Variants in GPR39 observed in about 807,000 individuals in gnomAD.
GPR39 encodes the protein G protein-coupled receptor 39, also known as zinc sensing receptor.
A neutral mutation model predicts 18.4 loss-of-function variants in GPR39; 23 were observed. The ratio of observed to expected loss-of-function variants is 1.25; its 90% CI spans 0.90 to 1.77. The LOEUF is 1.77. Among genes scored for constraint, GPR39 ranks in the 40% most tolerant of loss-of-function variants. GPR39 has a pLI of 0.00. For missense variants in GPR39, 647 were observed against 602.4 expected (o/e 1.07, Z -0.78); for synonymous variants, 280 against 257.9 (o/e 1.09, Z -0.82).
rs1023635547 is a variant in GPR39, at chr2:132,428,929, T to TG, written c.856+11036dup. Among the ~76,000 whole-genome samples the TG allele has an allele frequency of 3.3e-5, 5 of 152,174 alleles. No homozygotes were observed. The East Asian group carries it at 9.6e-4, about 29-fold the overall frequency. Reference sequence around the variant, plus strand: ...GTGAAAATGTTAATCTTAGTAACATTGGGGGTCGGGGTTTCCCCTTTCTCA... The same window carrying TG: ...GTGAAAATGTTAATCTTAGTAACATTGGGGGGTCGGGGTTTCCCCTTTCTCA... On this transcript the variant is annotated intron_variant, in intron 1 of 1. Transcript: ENST00000329321.
chr2:132,595,218 T>G (rs879830323), intron 1 of GPR39, among the ~76,000 whole-genome samples: 1 of 152,154 alleles, frequency 6.6e-6, no homozygotes, highest in African/African-American at 2.4e-5. Flanking sequence ...CAGGCTGGTC[T>G]TGAACTCCTG....
intron 1 of GPR39, among the ~76,000 whole-genome samples, chr2:132,583,598 T>TTAAGAATG (rs1431544281): frequency 6.6e-6 from 1 of 151,852 alleles, no homozygotes; most frequent in East Asian, 1.9e-4. Flanking sequence ...CAAAACTTAG[T>TTAAGAATG]GGCTAATTAA....
intron 1 of GPR39, among the ~76,000 whole-genome samples, chr2:132,593,457 T>C (rs978085820): frequency 2.6e-5 from 4 of 152,154 alleles, no homozygotes; most frequent in African/African-American, 9.7e-5. Flanking sequence ...TCAGACATGG[T>C]CTGAGAGGCT....
chr2:132,593,998 G>A (rs1176003042), intron 1 of GPR39, among the ~76,000 whole-genome samples: 1 of 152,128 alleles, frequency 6.6e-6, no homozygotes, highest in Non-Finnish European at 1.5e-5. Flanking sequence ...TTGACTGGAG[G>A]TCCAAGTGTT....
Position 132,417,909 on chromosome 2 carries a change from A to T in GPR39, c.856+11A>T. On this transcript the variant is annotated intron_variant, in intron 1 of 1. Transcript: ENST00000329321. ...CCATCATCTTCCTGAGTGAGTCCTAAGTCGGGGGCAACACGTGAGCAGCTT... is the reference window on the plus strand; with the variant it reads ...CCATCATCTTCCTGAGTGAGTCCTATGTCGGGGGCAACACGTGAGCAGCTT... 1 of 1,563,164 alleles carries T rather than the reference A, an allele frequency of 6.4e-7. No individual in the cohort carries two copies. Among genetic ancestry groups the T allele is most frequent in the Non-Finnish European group, 8.6e-7 (1 of 1,156,830 alleles).
At chr2:132,596,761 T>C (rs1680957081) in intron 1 of GPR39, among the ~76,000 whole-genome samples, 1 of 152,322 alleles carries the variant, frequency 6.6e-6, no homozygotes, top group East Asian at 1.9e-4. Flanking sequence ...TTTAAAAACA[T>C]CCCAATGACC....
intron 1 of GPR39, among the ~76,000 whole-genome samples, chr2:132,472,527 C>T (rs1047061732): frequency 4.6e-5 from 7 of 152,140 alleles, no homozygotes; most frequent in African/African-American, 1.7e-4. Context: ...TCAATGCCAA[C>T]ATTTCCTGCA....
intron 1 of GPR39, among the ~76,000 whole-genome samples, chr2:132,513,300 T>TA (rs11439420): frequency 0.94 from 142,776 of 152,060 alleles, 67,657 homozygotes; most frequent in Non-Finnish European, 1. Flanking sequence ...CCGTCTCTAC[T>TA]AAAATACAAA....
intron 1 of GPR39, among the ~76,000 whole-genome samples, chr2:132,491,953 C>T (rs1279715156): frequency 6.6e-6 from 1 of 151,584 alleles, no homozygotes; most frequent in East Asian, 1.9e-4. Flanking sequence ...GTACCTAGCA[C>T]ATAGTAAGTG....
At chr2:132,438,573 CT>C (rs35614907) in intron 1 of GPR39, among the ~76,000 whole-genome samples, 1,052 of 97,742 alleles carry the variant, frequency 0.011, 1 homozygote, top group Middle Eastern at 0.017. Context: ...TGTCAGCAAG[CT>C]TTTTTTTTTT....
At chr2:132,625,965 T>C (rs1681535942) in intron 1 of GPR39, among the ~76,000 whole-genome samples, 1 of 151,578 alleles carries the variant, frequency 6.6e-6, no homozygotes, top group African/African-American at 2.4e-5. Context: ...CTGGGCGTGG[T>C]GGTGGGTGCC....
At chr2:132,477,269 G>T (rs1381698600) in intron 1 of GPR39, among the ~76,000 whole-genome samples, 1 of 152,160 alleles carries the variant, frequency 6.6e-6, no homozygotes, top group East Asian at 1.9e-4. Flanking sequence ...GACTTTGAAG[G>T]ACGAGTAGAA....
chr2:132,491,052 G>T (rs369195221), intron 1 of GPR39, among the ~76,000 whole-genome samples: 3 of 152,292 alleles, frequency 2.0e-5, no homozygotes, highest in African/African-American at 7.2e-5. Context: ...ACCAAGCTGA[G>T]CCCTAAATTA....
intron 1 of GPR39, among the ~76,000 whole-genome samples, chr2:132,439,165 T>A (rs1345028135): frequency 6.6e-6 from 1 of 152,252 alleles, no homozygotes; most frequent in Non-Finnish European, 1.5e-5. Context: ...ATGTGAAATT[T>A]GATTTAAAGC....
In GPR39 at chr2:132,645,374, A is replaced by C. The variant is rs373819702; in HGVS notation, c.1130A>C (p.His377Pro). The change falls in exon 2 of 2, where the codon CAT becomes CCT. Residue 377 changes from histidine (H) to proline (P), a missense_variant. This residue lies in a region of GPR39 where 581 missense variants were observed against 506.8 expected (regional missense o/e 1.15). Coordinates refer to ENST00000329321, the MANE Select transcript of GPR39 (RefSeq NM_001508.3). ...HANHEKRLRV[H>P]AHSTTDSARF... ...AACCACGAGAAGCGCCTGCGCGTAC[A>C]TGCGCACTCCACCACCGACAGCGCC... 3.7e-6 allele frequency: 6 copies of C among 1,613,774 alleles called. No individual in the cohort carries two copies. Among genetic ancestry groups the C allele is most frequent in the East Asian group, 2.2e-5 (1 of 44,886 alleles).
intron 1 of GPR39, among the ~76,000 whole-genome samples, chr2:132,441,255 G>A (rs12623262): frequency 0.027 from 4,128 of 152,270 alleles, 142 homozygotes; most frequent in African/African-American, 0.084. Context: ...AGAGCCCTGG[G>A]AGGGATCATG....
At chr2:132,565,970 C>T (rs1405352432) in intron 1 of GPR39, among the ~76,000 whole-genome samples, 99 of 108,460 alleles carry the variant, frequency 9.1e-4, no homozygotes, top group African/African-American at 1.8e-3. Flanking sequence ...CCTGAGGAAT[C>T]GCCACACTGA....
At chr2:132,619,426 G>C (rs1446845069) in intron 1 of GPR39, among the ~76,000 whole-genome samples, 1 of 152,150 alleles carries the variant, frequency 6.6e-6, no homozygotes, top group Admixed American at 6.5e-5. Context: ...CACCCCTTGA[G>C]CCTTCAGGGG....
chr2:132,564,555 C>A (rs1573669948), intron 1 of GPR39, among the ~76,000 whole-genome samples: 1 of 152,074 alleles, frequency 6.6e-6, no homozygotes. Flanking sequence ...GTTTTCTCAC[C>A]CCTTCCTCTG....
Sources: allele counts gnomAD v4.1 joint callset (sites outside exome capture counted in the v4.1 genomes callset), GRCh38; gene constraint gnomAD v4.1.1; regional missense constraint gnomAD v4.1.1; transcripts MANE v1.5; gene names NCBI Gene and HGNC (gene_info 2026-07-23, HGNC 2026-07-21).